Variants in ARCN1 observed in about 807,000 individuals in gnomAD.
ARCN1 encodes the protein coatomer subunit delta.
Under a neutral mutation model 60.4 loss-of-function variants are expected in ARCN1, and 5 were observed. That is an observed-to-expected ratio of 0.08 (90% CI 0.04 to 0.17). The LOEUF (loss-of-function observed/expected upper bound fraction) is 0.17. ARCN1 is among the 10% of genes least tolerant of loss of function. ARCN1 has a pLI of 1.00. For synonymous variants in ARCN1, 224 were observed against 220.0 expected (o/e 1.02, Z -0.16); for missense variants, 464 against 626.5 (o/e 0.74, Z 2.77).
chr11:118,598,406 C>G (rs1271624326), intron 9 of ARCN1, among the ~76,000 whole-genome samples: 1 of 150,558 alleles, frequency 6.6e-6, no homozygotes, highest in Non-Finnish European at 1.5e-5. Flanking sequence ...TTTATTAGTA[C>G]AAATAATCAT....
chr11:118,585,552 T>G (rs1938759674), intron 5 of ARCN1, among the ~76,000 whole-genome samples: 1 of 152,192 alleles, frequency 6.6e-6, no homozygotes, highest in African/African-American at 2.4e-5. Context: ...ATTTATTTAT[T>G]TTTTTGAGAT....
Position 118,602,147 on chromosome 11 carries a change from A to G in ARCN1, c.*1433A>G, listed in dbSNP as rs1555078244. 5.2e-6 allele frequency: 1 copy of G among 193,622 alleles called. No homozygotes were observed. The highest frequency in any genetic ancestry group is 1.4e-4 in the East Asian group (1 of 7,174). The allele number at this position is 193,622 out of a possible 1,614,324, so 12.0% of individuals were successfully genotyped here. A position where few individuals can be genotyped will look rare whatever the true frequency, so the allele number is the denominator to read the frequency against. On this transcript the variant is annotated 3_prime_UTR_variant, in exon 10 of 10. Transcript: ENST00000264028. ...TTTTTTGCATTTCAGGAGGCAACTG[A>G]TTGTTTCGATATGTACATATTACTC...
chr11:118,597,588 C>A, intron 8 of ARCN1, 119 bp from the exon 9 acceptor site: 2 of 1,011,374 alleles, frequency 2.0e-6, no homozygotes, highest in Non-Finnish European at 1.4e-6. Flanking sequence ...TTTTTTTCCC[C>A]TGAAATTGTA....
chr11:118,594,914 A>G (rs1276828038), intron 8 of ARCN1, among the ~76,000 whole-genome samples: 1 of 151,838 alleles, frequency 6.6e-6, no homozygotes, highest in Non-Finnish European at 1.5e-5. Flanking sequence ...CAGTGGTGCA[A>G]CCTTGGCTTA....
intron 8 of ARCN1, among the ~76,000 whole-genome samples, chr11:118,595,085 A>T (rs1938997734): frequency 6.6e-6 from 1 of 152,112 alleles, no homozygotes; most frequent in African/African-American, 2.4e-5. Flanking sequence ...CCTGTCCTCA[A>T]AATGATCCAC....
At chr11:118,576,315 A>G (rs1437748846) in intron 1 of ARCN1, among the ~76,000 whole-genome samples, 3 of 150,258 alleles carry the variant, frequency 2.0e-5, no homozygotes, top group Non-Finnish European at 4.4e-5. Flanking sequence ...TTTTTTTTTA[A>G]CCGTCCTGGA....
chr11:118,576,369 A>T (rs1938503613), intron 1 of ARCN1, among the ~76,000 whole-genome samples: 1 of 149,628 alleles, frequency 6.7e-6, no homozygotes, highest in Non-Finnish European at 1.5e-5. Flanking sequence ...CATCTGTAAG[A>T]CAATCAAGGG....
chr11:118,579,272 A>G lies in ARCN1; in HGVS notation c.4-1974A>G, dbSNP rs1403004019. Among the ~76,000 whole-genome samples the G allele has an allele frequency of 3.9e-5, 6 of 152,272 alleles. No homozygotes were observed. The East Asian group carries it at 1.2e-3, about 29-fold the overall frequency. ...GACACTAGTTCTAAGTCTTTAGGAA[A>G]AGGAGAAACCAATGTGAAATGATCC... On this transcript the variant is annotated intron_variant, in intron 1 of 9. Transcript: ENST00000264028.
rs1939060865 is a variant in ARCN1 at position 118,597,782 on chromosome 11, G to A, written c.1317G>A (p.Glu439=). 6.2e-7 allele frequency: 1 copy of A among 1,614,184 alleles called. No homozygotes were observed. Among genetic ancestry groups the A allele is most frequent in the African/African-American group, 1.3e-5 (1 of 75,036 alleles). The change falls in exon 9 of 10, where the codon GAG becomes GAA. Residue 439 remains glutamate (E), a synonymous_variant. Coordinates refer to ENST00000264028, the MANE Select transcript of ARCN1 (RefSeq NM_001655.5). ...ATGACAGTCGACGAAATACCCTGGA[G>A]TGGTGCCTGCCTGTGATTGATGCCA... is the stretch of plus-strand genomic sequence containing the variant. ...YRHDSRRNTL[E]WCLPVIDAKN...
rs895026953 is a variant in ARCN1, at chr11:118,601,520, T to G, written c.*806T>G. On this transcript the variant is annotated 3_prime_UTR_variant, in exon 10 of 10. Coordinates refer to ENST00000264028, the MANE Select transcript of ARCN1 (RefSeq NM_001655.5). ...CATTCAGTCAGGCACTGGGATCATC[T>G]GTTTACAGGCATTATATTTATTTGG... 1 of 641,660 alleles carries G rather than the reference T, an allele frequency of 1.6e-6. No individual in the cohort carries two copies. The highest frequency in any genetic ancestry group is 1.8e-5 in the African/African-American group (1 of 55,128). 39.7% of individuals were successfully genotyped at this position (641,660 alleles called of 1,614,324 possible). A position where few individuals can be genotyped will look rare whatever the true frequency, so the allele number is the denominator to read the frequency against.
At chr11:118,584,454 A>G (rs927963656) in intron 4 of ARCN1, 26 bp from the exon 5 acceptor site, 6 of 1,590,426 alleles carry the variant, frequency 3.8e-6, no homozygotes, top group Non-Finnish European at 5.1e-6. Context: ...ACCTTTGGGT[A>G]ATGAATTTCA....
chr11:118,579,261 G>A lies in ARCN1; in HGVS notation c.4-1985G>A, dbSNP rs181823381. On this transcript the variant is annotated intron_variant, in intron 1 of 9. Coordinates refer to ENST00000264028, the MANE Select transcript of ARCN1 (RefSeq NM_001655.5). ...TGCAAATTTGGGACACTAGTTCTAA[G>A]TCTTTAGGAAAAGGAGAAACCAATG... is the stretch of plus-strand genomic sequence containing the variant. Among the ~76,000 whole-genome samples, 38 of 152,188 alleles carry A rather than the reference G, an allele frequency of 2.5e-4. 1 individual carries two copies. The East Asian group carries it at 6.6e-3, about 26-fold the overall frequency.
In ARCN1 at chr11:118,602,776, T is replaced by G. The variant is rs1939176008; in HGVS notation, c.*2062T>G. 6.5e-6 allele frequency: 1 copy of G among 153,782 alleles called. No individual in the cohort carries two copies. Among genetic ancestry groups the G allele is most frequent in the South Asian group, 2.1e-4 (1 of 4,832 alleles). The allele number at this position is 153,782 out of a possible 1,614,324, so 9.5% of individuals were successfully genotyped here. A position where few individuals can be genotyped will look rare whatever the true frequency, so the allele number is the denominator to read the frequency against. Reference sequence around the variant, plus strand: ...ATGATTTTTTAAAAGTCAAGTTTAATTTCAAAAAACCTTTTTTTTCTGAGA... The same window carrying G: ...ATGATTTTTTAAAAGTCAAGTTTAAGTTCAAAAAACCTTTTTTTTCTGAGA... On this transcript the variant is annotated 3_prime_UTR_variant, in exon 10 of 10. Coordinates refer to ENST00000264028, the MANE Select transcript of ARCN1 (RefSeq NM_001655.5).
At chr11:118,584,763 A>G in intron 5 of ARCN1, 119 bp downstream of exon 5, 1 of 990,338 alleles carries the variant, frequency 1.0e-6, no homozygotes, top group Non-Finnish European at 1.4e-6. Flanking sequence ...CCTGATTTAA[A>G]AGATTTATTC....
chr11:118,593,983 G>A (rs1273282624), intron 8 of ARCN1: 3 of 251,648 alleles, frequency 1.2e-5, no homozygotes, highest in Middle Eastern at 1.4e-3. Context: ...AATGTTCTAG[G>A]ACTTGTGTTT....
chr11:118,582,564 A>G (rs1267931536), intron 2 of ARCN1, among the ~76,000 whole-genome samples: 1 of 151,048 alleles, frequency 6.6e-6, no homozygotes, highest in African/African-American at 2.4e-5. Context: ...GTCTCTACTC[A>G]AAATACAAAA....
At chr11:118,580,356 C>G (rs191316164) in intron 1 of ARCN1, among the ~76,000 whole-genome samples, 1 of 152,138 alleles carries the variant, frequency 6.6e-6, no homozygotes, top group African/African-American at 2.4e-5. Context: ...GAATTCTGAT[C>G]CTCAGGATAA....
intron 1 of ARCN1, chr11:118,573,645 G>GT (rs1169997648): frequency 1.4e-6 from 1 of 702,066 alleles, no homozygotes; most frequent in African/African-American, 1.7e-5. Flanking sequence ...ACATCGTCCA[G>GT]TGTACCTGAG....
At chr11:118,595,931 G>T (rs184841209) in intron 8 of ARCN1, among the ~76,000 whole-genome samples, 4,484 of 152,254 alleles carry the variant, frequency 0.029, 98 homozygotes, top group Non-Finnish European at 0.043. Flanking sequence ...GCTGGGCCTG[G>T]TGGCGGGCGC....
Sources: gnomAD v4.1 joint callset for allele counts (sites outside exome capture counted in the v4.1 genomes callset) on GRCh38, gnomAD v4.1.1 for gene constraint, MANE v1.5 for transcripts, NCBI Gene and HGNC (gene_info 2026-07-23, HGNC 2026-07-21) for gene names.